The following ZC3H12B variants were observed in gnomAD, a reference collection of about 807,000 sequenced individuals.
ZC3H12B encodes the protein zinc finger CCCH-type containing 12B.
Under a neutral mutation model 43.9 loss-of-function variants are expected in ZC3H12B, and 7 were observed. The ratio of observed to expected loss-of-function variants is 0.16; its 90% CI spans 0.09 to 0.30. The LOEUF (loss-of-function observed/expected upper bound fraction) is 0.30. ZC3H12B is among the 10% of genes least tolerant of loss of function. ZC3H12B has a pLI of 1.00. For synonymous variants in ZC3H12B, 222 were observed against 241.7 expected, an observed-to-expected ratio of 0.92 and a Z score of 0.76; for missense variants, 475 against 670.2, an observed-to-expected ratio of 0.71 and a Z score of 3.22.
chrX:65,377,973 C>A (rs963405707), intron 2 of ZC3H12B, among the ~76,000 whole-genome samples: 5 of 110,532 alleles, frequency 4.5e-5, no homozygotes, highest in Non-Finnish European at 9.5e-5. Context: ...GTGGCTGGTG[C>A]CAGTAGTCCC....
the ZC3H12B span, among the ~76,000 whole-genome samples, chrX:65,338,442 G>A: frequency 1.8e-5 from 2 of 111,977 alleles, no homozygotes; most frequent in Non-Finnish European, 3.8e-5. Context: ...ATACAAAGAA[G>A]AGTTGGTACC....
the ZC3H12B span, among the ~76,000 whole-genome samples, chrX:65,196,317 C>CA: frequency 9.1e-6 from 1 of 110,205 alleles, no homozygotes; most frequent in African/African-American, 3.3e-5. Context: ...TGCGACTCCC[C>CA]AAAAAATGAG....
At position 65,441,167 on chromosome X, in the gene ZC3H12B, G is replaced by T. The variant is rs968600369; in HGVS notation, n.407+42463G>T. Among the ~76,000 whole-genome samples the T allele has an allele frequency of 5.4e-5, 6 of 111,860 alleles. 1 individual carries two copies. Among genetic ancestry groups the T allele is most frequent in the African/African-American group, 2.0e-4 (6 of 30,738 alleles). On this transcript the variant is annotated intron_variant and non_coding_transcript_variant, in intron 3 of 5. Coordinates refer to the ZC3H12B transcript ENST00000617377. ...ATTAGAACTTGTGCCTCCCATTGCGGTAATAAATCTCTTCCCTATAAATTT... is the reference window on the plus strand; with the variant it reads ...ATTAGAACTTGTGCCTCCCATTGCGTTAATAAATCTCTTCCCTATAAATTT...
chrX:65,454,992 A>G (rs1158050619), intron 3 of ZC3H12B, among the ~76,000 whole-genome samples: 1 of 111,988 alleles, frequency 8.9e-6, no homozygotes, highest in Non-Finnish European at 1.9e-5. Flanking sequence ...TACCATCATC[A>G]AAGACCAAAG....
At chrX:65,397,900 A>G (rs1430018314) in intron 2 of ZC3H12B, among the ~76,000 whole-genome samples, 1 of 112,173 alleles carries the variant, frequency 8.9e-6, no homozygotes. Flanking sequence ...TTTACCAAAA[A>G]TCTATTAGAA....
chrX:65,489,515 G>T, intron 1 of ZC3H12B, 106 bp downstream of exon 6: 2 of 969,058 alleles, frequency 2.1e-6, no homozygotes, highest in African/African-American at 3.9e-5. Context: ...TATTGACTGT[G>T]GCGTGTGTTT....
At chrX:65,394,951 GC>G (rs1262923618) in intron 2 of ZC3H12B, among the ~76,000 whole-genome samples, 2 of 111,013 alleles carry the variant, frequency 1.8e-5, no homozygotes, top group Non-Finnish European at 3.8e-5. Flanking sequence ...GTATTTCTAG[GC>G]ATTTTATTCT....
chrX:65,392,617 C>T (rs1208883247), intron 2 of ZC3H12B, among the ~76,000 whole-genome samples: 1 of 109,197 alleles, frequency 9.2e-6, no homozygotes, highest in Admixed American at 9.6e-5. Flanking sequence ...CAGCAGCCGC[C>T]CCGTCTGGGA....
chrX:65,232,211 A>T, the ZC3H12B span, among the ~76,000 whole-genome samples: 1 of 111,392 alleles, frequency 9.0e-6, no homozygotes, highest in Non-Finnish European at 1.9e-5. Context: ...ACTGCACTCC[A>T]GCCTGGGTGA....
chrX:65,196,956 CAGGTACCTAA>C, the ZC3H12B span, among the ~76,000 whole-genome samples: 298 of 111,856 alleles, frequency 2.7e-3, 1 homozygote, highest in South Asian at 0.013. Flanking sequence ...GCAAAGCGAT[CAGGTACCTAA>C]AGGGTTAAGA....
intron 3 of ZC3H12B, among the ~76,000 whole-genome samples, chrX:65,420,455 T>C (rs977814742): frequency 1.8e-5 from 2 of 112,162 alleles, no homozygotes; most frequent in Non-Finnish European, 3.8e-5. Context: ...GATGGGCAGA[T>C]TGGTGAAGGG....
At chrX:65,058,317 G>A in the ZC3H12B span, among the ~76,000 whole-genome samples, 1 of 112,156 alleles carries the variant, frequency 8.9e-6, no homozygotes, top group African/African-American at 3.2e-5. Flanking sequence ...TCAGCTGCAG[G>A]TGTGTTAGAG....
the ZC3H12B span, among the ~76,000 whole-genome samples, chrX:65,194,485 C>A: frequency 9.0e-6 from 1 of 111,427 alleles, no homozygotes; most frequent in Admixed American, 9.5e-5. Flanking sequence ...GCATAGTTTC[C>A]AAACTCTTCT....
At chrX:65,212,912 A>T in the ZC3H12B span, among the ~76,000 whole-genome samples, 290 of 106,660 alleles carry the variant, frequency 2.7e-3, no homozygotes, top group African/African-American at 8.8e-3. Context: ...AATAAAGTCC[A>T]ACCAGTTTGT....
At chrX:65,221,133 T>TA in the ZC3H12B span, among the ~76,000 whole-genome samples, 2 of 111,762 alleles carry the variant, frequency 1.8e-5, no homozygotes, top group African/African-American at 6.5e-5. Context: ...GATGGAAATT[T>TA]AAAAAACTAT....
the ZC3H12B span, among the ~76,000 whole-genome samples, chrX:65,281,911 ACAAT>A: frequency 8.9e-6 from 1 of 111,991 alleles, no homozygotes; most frequent in Non-Finnish European, 1.9e-5. Flanking sequence ...AGAAAGTTCA[ACAAT>A]CAAATGATAT....
the ZC3H12B span, among the ~76,000 whole-genome samples, chrX:65,077,026 C>G: frequency 4.5e-5 from 5 of 111,620 alleles, no homozygotes; most frequent in Non-Finnish European, 9.4e-5. Flanking sequence ...TTAGGAATCT[C>G]TTGATTCTTG....
chrX:65,263,354 G>C, the ZC3H12B span, among the ~76,000 whole-genome samples: 1 of 110,978 alleles, frequency 9.0e-6, no homozygotes, highest in African/African-American at 3.3e-5. Flanking sequence ...TTAGTAGGGA[G>C]AGTAAATGTC....
the ZC3H12B span, among the ~76,000 whole-genome samples, chrX:65,111,667 A>C: frequency 9.1e-6 from 1 of 109,751 alleles, no homozygotes; most frequent in Non-Finnish European, 1.9e-5. Flanking sequence ...CAATATTTCA[A>C]CCTTTTTCAT....
Sources: gnomAD v4.1 joint callset for allele counts (sites outside exome capture counted in the v4.1 genomes callset) on GRCh38, gnomAD v4.1.1 for gene constraint, MANE v1.5 for transcripts, NCBI Gene and HGNC (gene_info 2026-07-23, HGNC 2026-07-21) for gene names.